L3HYPDH: variants seen among roughly 807,000 people sequenced by gnomAD.
The protein encoded by L3HYPDH is trans-3-hydroxy-L-proline dehydratase.
In L3HYPDH, 32 loss-of-function variants were observed where a neutral mutation model predicts 26.5. The observed-to-expected ratio is 1.21, with a 90% confidence interval of 0.91 to 1.62. The LOEUF (loss-of-function observed/expected upper bound fraction) is 1.62, where lower values mean the gene tolerates loss of function less well. Among genes scored for constraint, L3HYPDH ranks in the 40% most tolerant of loss-of-function variants. The pLI, the probability that L3HYPDH is intolerant of heterozygous loss-of-function variation, is 0.00. For synonymous variants in L3HYPDH, 215 were observed against 196.6 expected, an observed-to-expected ratio of 1.09 and a Z score of -0.78; for missense variants, 554 against 476.4, an observed-to-expected ratio of 1.16 and a Z score of -1.52.
At chr14:59,504,329 A>G in the L3HYPDH span, 24 of 438,156 alleles carry the variant, frequency 5.5e-5, no homozygotes, top group Admixed American at 6.7e-4. Flanking sequence ...GCTTCTCTCA[A>G]CAGTTCAGCT....
chr14:59,485,425 G>A (rs1200206986), upstream of L3HYPDH: 7 of 274,624 alleles, frequency 2.5e-5, no homozygotes, highest in Non-Finnish European at 4.7e-5. Context: ...TTAAACTGGA[G>A]GAATATTATT....
At chr14:59,490,417 C>T in the L3HYPDH span, among the ~76,000 whole-genome samples, 8 of 152,118 alleles carry the variant, frequency 5.3e-5, no homozygotes, top group South Asian at 2.1e-4. Flanking sequence ...AAAATCACTC[C>T]GTATTTGAGT....
At chr14:59,488,178 TATG>T (rs1190614135), upstream of L3HYPDH, among the ~76,000 whole-genome samples, 1 of 151,964 alleles carries the variant, frequency 6.6e-6, no homozygotes, top group African/African-American at 2.4e-5. Flanking sequence ...AATAATCTAG[TATG>T]ATGTAGTTAA....
chr14:59,474,086 A>G (rs146821383), intron 4 of L3HYPDH, among the ~76,000 whole-genome samples: 650 of 152,344 alleles, frequency 4.3e-3, no homozygotes, highest in Admixed American at 8.9e-3. Flanking sequence ...TTGTTAGGGT[A>G]TAATACTTTA....
chr14:59,496,340 T>TA, the L3HYPDH span, among the ~76,000 whole-genome samples: 38 of 151,692 alleles, frequency 2.5e-4, no homozygotes, highest in African/African-American at 9.2e-4. Context: ...AGCTTAACTC[T>TA]AAGCATTAAT....
At chr14:59,478,886 C>T (rs1566562696) in intron 2 of L3HYPDH, 1 of 249,612 alleles carries the variant, frequency 4.0e-6, no homozygotes, top group Non-Finnish European at 7.5e-6. Flanking sequence ...ACATAAGATA[C>T]ACTAACACTA....
chr14:59,468,857 A>T (rs576787129), downstream of L3HYPDH, among the ~76,000 whole-genome samples: 1 of 152,360 alleles, frequency 6.6e-6, no homozygotes, highest in South Asian at 2.1e-4. Context: ...TCTGAAGTGG[A>T]CCTTTGCAGT....
Position 59,476,217 on chromosome 14 carries a change from G to GC in L3HYPDH, c.679-4dup. ...CTATCAGGATGATTAATTTTAAACTGCAAGTAACAAAAAAAGATCACATGC... is the reference window on the plus strand; with the variant it reads ...CTATCAGGATGATTAATTTTAAACTGCCAAGTAACAAAAAAAGATCACATGC... On this transcript the variant is annotated splice_polypyrimidine_tract_variant and splice_region_variant and intron_variant, in intron 2 of 4. Transcript: ENST00000247194. 1.3e-6 allele frequency: 2 copies of GC among 1,537,728 alleles called. No homozygotes were observed. The highest frequency in any genetic ancestry group is 1.7e-6 in the Non-Finnish European group (2 of 1,144,658).
At chr14:59,495,473 T>G in the L3HYPDH span, among the ~76,000 whole-genome samples, 2 of 152,200 alleles carry the variant, frequency 1.3e-5, no homozygotes, top group African/African-American at 4.8e-5. Flanking sequence ...ACCATATAAC[T>G]TACATATAGG....
the L3HYPDH span, among the ~76,000 whole-genome samples, chr14:59,490,241 C>A: frequency 6.6e-6 from 1 of 152,130 alleles, no homozygotes; most frequent in African/African-American, 2.4e-5. Context: ...TTTTAAACAA[C>A]CAAATCTCAC....
chr14:59,469,647 C>A (rs189877981), downstream of L3HYPDH, among the ~76,000 whole-genome samples: 2 of 150,646 alleles, frequency 1.3e-5, no homozygotes, highest in African/African-American at 2.4e-5. Context: ...AGCTATCCAC[C>A]TCAGGAGCAT....
At chr14:59,494,982 A>T in the L3HYPDH span, 2 of 1,491,826 alleles carry the variant, frequency 1.3e-6, no homozygotes, top group Middle Eastern at 3.4e-4. Context: ...AAATATTGCA[A>T]TTTTTCTAGT....
At chr14:59,487,504 C>A, upstream of L3HYPDH, 1 of 535,052 alleles carries the variant, frequency 1.9e-6, no homozygotes, top group Non-Finnish European at 3.3e-6. Context: ...ATAGCACATA[C>A]AATATAGATT....
chr14:59,467,598 C>A (rs1007185238), intron 1 of L3HYPDH, among the ~76,000 whole-genome samples: 2 of 152,162 alleles, frequency 1.3e-5, no homozygotes, highest in African/African-American at 4.8e-5. Context: ...TGGACTCCCC[C>A]CTCGGCCCCA....
At chr14:59,476,404 T>C (rs551471457) in intron 2 of L3HYPDH, among the ~76,000 whole-genome samples, 190 bp from the exon 3 acceptor site, 2 of 152,240 alleles carry the variant, frequency 1.3e-5, no homozygotes, top group Non-Finnish European at 2.9e-5. Flanking sequence ...TTTACTGCAA[T>C]TTATAATTCT....
chr14:59,487,461 G>C, upstream of L3HYPDH: 2 of 398,572 alleles, frequency 5.0e-6, no homozygotes, highest in Non-Finnish European at 8.9e-6. Context: ...TAGTAACTTA[G>C]TAAAAGGAAT....
intron 4 of L3HYPDH, among the ~76,000 whole-genome samples, chr14:59,473,948 G>C (rs1182806285): frequency 6.6e-6 from 1 of 152,174 alleles, no homozygotes; most frequent in Admixed American, 6.5e-5. Context: ...TGATGCAAGT[G>C]AAGACATTCT....
chr14:59,483,506 G>A, intron 1 of L3HYPDH: 1 of 1,316,570 alleles, frequency 7.6e-7, no homozygotes, highest in Non-Finnish European at 9.7e-7. Flanking sequence ...TTATCCACCG[G>A]TGAAATCTCT....
the L3HYPDH span, chr14:59,495,207 T>C: frequency 6.2e-7 from 1 of 1,609,424 alleles, no homozygotes; most frequent in Non-Finnish European, 8.5e-7. Context: ...ACTGTACTCA[T>C]GAAGCCGTCT....
Sources: gnomAD v4.1 joint callset for allele counts (sites outside exome capture counted in the v4.1 genomes callset) on GRCh38, gnomAD v4.1.1 for gene constraint, MANE v1.5 for transcripts, NCBI Gene and HGNC (gene_info 2026-07-23, HGNC 2026-07-21) for gene names.